The following ZFAT variants were observed in gnomAD, a reference collection of about 807,000 sequenced individuals.
ZFAT encodes zinc finger and AT-hook domain containing.
Under a neutral mutation model 117.7 loss-of-function variants are expected in ZFAT, and 64 were observed. That is an observed-to-expected ratio of 0.54 (90% confidence interval 0.44 to 0.67). The LOEUF is 0.67. Among genes scored for constraint, ZFAT ranks in the 30% least tolerant of loss-of-function variants. The pLI is 0.00. For synonymous variants in ZFAT, 679 were observed against 615.0 expected, an observed-to-expected ratio of 1.10 and a Z score of -1.54; for missense variants, 1,433 against 1,584.5, an observed-to-expected ratio of 0.90 and a Z score of 1.62.
intron 15 of ZFAT, among the ~76,000 whole-genome samples, chr8:134,500,864 T>A (rs1038252515): frequency 5.3e-5 from 8 of 152,160 alleles, no homozygotes; most frequent in Non-Finnish European, 8.8e-5. Context: ...GAAAGAACAT[T>A]ATATAAGGAA....
the ZFAT span, among the ~76,000 whole-genome samples, chr8:134,804,205 T>C: frequency 2.6e-5 from 4 of 152,320 alleles, no homozygotes; most frequent in East Asian, 7.7e-4. Flanking sequence ...GGCAGCTATA[T>C]TTTAAGGAGG....
chr8:134,589,302 G>C (rs963507406), intron 8 of ZFAT, among the ~76,000 whole-genome samples: 1 of 152,220 alleles, frequency 6.6e-6, no homozygotes, highest in Non-Finnish European at 1.5e-5. Flanking sequence ...AGCCCACACA[G>C]ACGAAGGCCT....
At chr8:134,696,735 G>A (rs1239669431) in intron 1 of ZFAT, among the ~76,000 whole-genome samples, 1 of 152,202 alleles carries the variant, frequency 6.6e-6, no homozygotes. Context: ...CCGAGGGGGT[G>A]TGGCCTGAGG....
intron 15 of ZFAT, among the ~76,000 whole-genome samples, chr8:134,497,634 T>A (rs1247845524): frequency 5.7e-5 from 2 of 34,818 alleles, no homozygotes; most frequent in Non-Finnish European, 5.1e-5. Flanking sequence ...GTGATGCCCC[T>A]GCTGCTGGTT....
At chr8:134,691,016 G>A (rs1461860469) in intron 1 of ZFAT, among the ~76,000 whole-genome samples, 1 of 152,182 alleles carries the variant, frequency 6.6e-6, no homozygotes, top group African/African-American at 2.4e-5. Context: ...ATCTAGTTTT[G>A]TAGACTCTTG....
At chr8:134,642,648 C>T (rs1830650096) in intron 2 of ZFAT, among the ~76,000 whole-genome samples, 1 of 152,164 alleles carries the variant, frequency 6.6e-6, no homozygotes, top group Non-Finnish European at 1.5e-5. Flanking sequence ...TTTAAAATAG[C>T]TCTCACACCA....
the ZFAT span, among the ~76,000 whole-genome samples, chr8:134,760,296 A>AAC: frequency 2.7e-5 from 4 of 147,646 alleles, no homozygotes; most frequent in South Asian, 2.1e-4. Flanking sequence ...AAACAAACAA[A>AAC]AAACAAACAA....
intron 11 of ZFAT, among the ~76,000 whole-genome samples, chr8:134,548,746 G>C (rs991185702): frequency 6.6e-6 from 1 of 152,104 alleles, no homozygotes; most frequent in African/African-American, 2.4e-5. Context: ...TGACATCCCA[G>C]GGAACTAATG....
the ZFAT span, among the ~76,000 whole-genome samples, chr8:134,811,564 T>C: frequency 1.1e-4 from 17 of 152,194 alleles, no homozygotes; most frequent in East Asian, 1.9e-4. Context: ...TCTGTTTCTC[T>C]TCAGCCTTTG....
At chr8:134,496,594 C>T (rs926380184) in intron 15 of ZFAT, among the ~76,000 whole-genome samples, 35 of 152,196 alleles carry the variant, frequency 2.3e-4, no homozygotes, top group African/African-American at 8.0e-4. Flanking sequence ...CTGGAATTCA[C>T]GGTTTTGAAT....
chr8:134,669,140 A>T (rs1832418207), intron 1 of ZFAT, among the ~76,000 whole-genome samples: 2 of 152,242 alleles, frequency 1.3e-5, no homozygotes, highest in Non-Finnish European at 2.9e-5. Flanking sequence ...TGTACCTGAA[A>T]GTGACGGGGA....
At chr8:134,743,735 C>G in the ZFAT span, among the ~76,000 whole-genome samples, 62 of 152,134 alleles carry the variant, frequency 4.1e-4, no homozygotes, top group African/African-American at 1.5e-3. Context: ...GATTGCTTTG[C>G]CCCAGAAGCG....
the ZFAT span, among the ~76,000 whole-genome samples, chr8:134,809,410 C>T: frequency 1.3e-5 from 2 of 152,184 alleles, no homozygotes; most frequent in Admixed American, 1.3e-4. Context: ...AACAACACAG[C>T]CTTGCCGTTC....
At chr8:134,565,815 T>C (rs1399765036) in intron 10 of ZFAT, 1 of 297,322 alleles carries the variant, frequency 3.4e-6, no homozygotes, top group African/African-American at 2.3e-5. Flanking sequence ...CAGCTGCATC[T>C]TCCTTCCTGG....
At chr8:134,559,077 T>C (rs16905177) in intron 11 of ZFAT, among the ~76,000 whole-genome samples, 1,539 of 152,306 alleles carry the variant, frequency 0.01, 25 homozygotes, top group African/African-American at 0.035. Flanking sequence ...AGATAGTTTC[T>C]AGGATAATAT....
intron 15 of ZFAT, among the ~76,000 whole-genome samples, chr8:134,485,615 T>G (rs961829242): frequency 1.3e-5 from 2 of 152,174 alleles, no homozygotes; most frequent in African/African-American, 4.8e-5. Flanking sequence ...ACACTTGACC[T>G]TAGTGTATAA....
At chr8:134,735,691 T>C in the ZFAT span, among the ~76,000 whole-genome samples, 1 of 152,186 alleles carries the variant, frequency 6.6e-6, no homozygotes, top group Non-Finnish European at 1.5e-5. Context: ...GTTTCATTTT[T>C]TGTTTTTGTT....
At chr8:134,657,926 A>T (rs1438555917) in intron 1 of ZFAT, among the ~76,000 whole-genome samples, 189 bp from the exon 2 acceptor site, 1 of 152,176 alleles carries the variant, frequency 6.6e-6, no homozygotes, top group African/African-American at 2.4e-5. Context: ...CAGGGGCCAG[A>T]AAGTTCTTTA....
chr8:134,569,938 G>A (rs1229265891), intron 10 of ZFAT, among the ~76,000 whole-genome samples: 1 of 152,204 alleles, frequency 6.6e-6, no homozygotes, highest in Non-Finnish European at 1.5e-5. Context: ...AGAGTTTACA[G>A]AAAACCTCCT....
Sources: gnomAD v4.1 joint callset for allele counts (sites outside exome capture counted in the v4.1 genomes callset) on GRCh38, gnomAD v4.1.1 for gene constraint, MANE v1.5 for transcripts, NCBI Gene and HGNC (gene_info 2026-07-23, HGNC 2026-07-21) for gene names.